CDH18: variants seen among roughly 807,000 people sequenced by gnomAD.
CDH18 encodes the protein cadherin 18.
Under a neutral mutation model 67.9 loss-of-function variants are expected in CDH18, and 31 were observed. The ratio of observed to expected loss-of-function variants is 0.46; its 90% CI spans 0.34 to 0.62. CDH18 has a LOEUF of 0.62. Ranked by LOEUF, CDH18 falls within the 20% of genes least tolerant of loss-of-function variation. The pLI is 0.01. For missense variants in CDH18, 890 were observed against 975.5 expected (o/e 0.91, Z 1.17); for synonymous variants, 362 against 347.2 (o/e 1.04, Z -0.48).
intron 5 of CDH18, among the ~76,000 whole-genome samples, chr5:19,633,942 C>T (rs1290222268): frequency 6.6e-6 from 1 of 152,074 alleles, no homozygotes; most frequent in East Asian, 1.9e-4. Context: ...ACTGCCAAAC[C>T]TTGTAGGCCC....
intron 2 of CDH18, among the ~76,000 whole-genome samples, chr5:19,932,503 A>G (rs774179280): frequency 3.3e-5 from 5 of 151,478 alleles, no homozygotes; most frequent in Non-Finnish European, 5.9e-5. Context: ...CCTCTCTGCA[A>G]CAGTACAATG....
intron 2 of CDH18, among the ~76,000 whole-genome samples, chr5:19,938,968 T>C (rs960789218): frequency 6.6e-6 from 1 of 151,122 alleles, no homozygotes; most frequent in African/African-American, 2.4e-5. Context: ...ATTTGGACCA[T>C]TTTTTTGTTT....
chr5:20,206,806 T>A (rs1393487719), intron 2 of CDH18, among the ~76,000 whole-genome samples: 1 of 152,008 alleles, frequency 6.6e-6, no homozygotes, highest in Non-Finnish European at 1.5e-5. Context: ...GTTACTTTAA[T>A]GATAAAAACT....
intron 1 of CDH18, among the ~76,000 whole-genome samples, chr5:20,524,761 A>G (rs1755946961): frequency 2.0e-5 from 3 of 152,312 alleles, no homozygotes; most frequent in African/African-American, 4.8e-5. Context: ...GTCCTTTATC[A>G]GTGTTCTAGC....
At chr5:19,674,367 T>A (rs1247143308) in intron 5 of CDH18, among the ~76,000 whole-genome samples, 1 of 152,116 alleles carries the variant, frequency 6.6e-6, no homozygotes, top group East Asian at 1.9e-4. Context: ...TATTGGCATT[T>A]CTCCACAATT....
At chr5:19,476,691 A>G (rs1738525034) in intron 12 of CDH18, among the ~76,000 whole-genome samples, 1 of 152,096 alleles carries the variant, frequency 6.6e-6, no homozygotes, top group Non-Finnish European at 1.5e-5. Flanking sequence ...ATTTATTATA[A>G]TACAATTTCT....
chr5:19,995,622 A>C (rs1402945414), intron 2 of CDH18, among the ~76,000 whole-genome samples: 1 of 148,622 alleles, frequency 6.7e-6, no homozygotes, highest in African/African-American at 2.6e-5. Context: ...AAAAAAAAAA[A>C]ACTTTAAGCA....
At chr5:20,538,965 T>C (rs1020935636) in intron 1 of CDH18, among the ~76,000 whole-genome samples, 1 of 138,264 alleles carries the variant, frequency 7.2e-6, no homozygotes, top group Non-Finnish European at 1.5e-5. Context: ...CTCAGCTCAC[T>C]GCAACATCTG....
chr5:20,499,163 G>A (rs1754089090), intron 1 of CDH18, among the ~76,000 whole-genome samples: 1 of 151,684 alleles, frequency 6.6e-6, no homozygotes, highest in Admixed American at 6.6e-5. Context: ...TATCTATAAG[G>A]GATTGGTTCC....
In CDH18 at chr5:20,305,538, G is replaced by A. The variant is rs551869658; in HGVS notation, c.-579-50033C>T. On this transcript the variant is annotated intron_variant, in intron 1 of 14. Coordinates refer to the CDH18 transcript ENST00000507958. ...GCGCAGCGGCGCAGGGGTCTCGAGC[G>A]GCTGGTGGTCGCGGGGCTGAGGGCG... 31 of 814,514 alleles carry A rather than the reference G, an allele frequency of 3.8e-5. 1 individual carries two copies. In the South Asian group the frequency reaches 3.9e-4, roughly 10 times the overall value. 50.5% of individuals were successfully genotyped at this position (814,514 alleles called of 1,614,324 possible). A position where few individuals can be genotyped will look rare whatever the true frequency, so the allele number is the denominator to read the frequency against.
chr5:19,963,688 A>T (rs1797140029), intron 2 of CDH18, among the ~76,000 whole-genome samples: 1 of 152,100 alleles, frequency 6.6e-6, no homozygotes, highest in African/African-American at 2.4e-5. Flanking sequence ...TGAGTCAATT[A>T]AACTTCTTTC....
chr5:20,298,743 C>CA (rs1365285002), intron 1 of CDH18, among the ~76,000 whole-genome samples: 3 of 150,894 alleles, frequency 2.0e-5, no homozygotes, highest in Admixed American at 2.0e-4. Context: ...TGGCAAGAAA[C>CA]AAAAAAATAA....
chr5:19,943,619 T>C (rs928059867), intron 2 of CDH18, among the ~76,000 whole-genome samples: 1 of 152,072 alleles, frequency 6.6e-6, no homozygotes, highest in South Asian at 2.1e-4. Flanking sequence ...CATACCAACA[T>C]GTAAAAACTG....
intron 8 of CDH18, among the ~76,000 whole-genome samples, chr5:19,544,872 C>T (rs758298404): frequency 3.9e-5 from 6 of 152,112 alleles, no homozygotes; most frequent in Non-Finnish European, 5.9e-5. Context: ...TGTGCAGATG[C>T]ACGATGGAGT....
At chr5:20,538,907 T>TG (rs1554016298) in intron 1 of CDH18, among the ~76,000 whole-genome samples, 1 of 132,666 alleles carries the variant, frequency 7.5e-6, no homozygotes, top group Non-Finnish European at 1.6e-5. Context: ...TGTTTTTTTT[T>TG]TGTTTTTTTT....
At chr5:20,109,859 C>G (rs764470744) in intron 2 of CDH18, among the ~76,000 whole-genome samples, 11 of 152,056 alleles carry the variant, frequency 7.2e-5, no homozygotes, top group Non-Finnish European at 1.5e-4. Flanking sequence ...AAAAAAAATA[C>G]TTTTGGATGT....
chr5:19,652,005 T>C (rs1267697280), intron 5 of CDH18, among the ~76,000 whole-genome samples: 2 of 152,082 alleles, frequency 1.3e-5, no homozygotes, highest in Non-Finnish European at 1.5e-5. Flanking sequence ...AAGTAAATGA[T>C]TAACGATTCA....
At chr5:19,985,752 A>G (rs1799501924) in intron 1 of CDH18, among the ~76,000 whole-genome samples, 1 of 152,108 alleles carries the variant, frequency 6.6e-6, no homozygotes, top group South Asian at 2.1e-4. Flanking sequence ...AAAAAAAAAG[A>G]AAGACAAAGA....
rs529200257 is a variant in CDH18, at chr5:19,784,620, T to C, written c.229-37384A>G. Among the ~76,000 whole-genome samples, 4 of 152,354 alleles carry C rather than the reference T, an allele frequency of 2.6e-5. No homozygotes were observed. In the East Asian group the frequency reaches 7.7e-4, roughly 29 times the overall value. ...AAGTACATTATAGAACATGAGAATC[T>C]ATAACTTTATTAAATACTGCAAAAT... On this transcript the variant is annotated intron_variant, in intron 3 of 12. Coordinates refer to ENST00000382275, the MANE Select transcript of CDH18 (RefSeq NM_004934.5).
Sources: gnomAD v4.1 joint callset for allele counts (sites outside exome capture counted in the v4.1 genomes callset) on GRCh38, gnomAD v4.1.1 for gene constraint, MANE v1.5 for transcripts, NCBI Gene and HGNC (gene_info 2026-07-23, HGNC 2026-07-21) for gene names.